Variants in ACSL4 observed in about 807,000 individuals in gnomAD.
ACSL4 encodes acyl-CoA synthetase long chain family member 4, also known as long-chain-fatty-acid--CoA ligase 4.
ACSL4 carries 9 observed loss-of-function variants against 49.1 expected under a neutral mutation model. That is an observed-to-expected ratio of 0.18 (90% CI 0.11 to 0.32). ACSL4 has a LOEUF of 0.32. ACSL4 is among the 10% of genes least tolerant of loss of function. The probability of loss-of-function intolerance (pLI) is 1.00; values close to 1 mark genes in which losing one functional copy is unlikely to be tolerated. For synonymous variants in ACSL4, 191 were observed against 170.3 expected, an observed-to-expected ratio of 1.12 and a Z score of -0.95; for missense variants, 333 against 493.7, an observed-to-expected ratio of 0.67 and a Z score of 3.08.
intron 1 of ACSL4, among the ~76,000 whole-genome samples, chrX:109,716,967 A>G (rs1927164349): frequency 8.9e-6 from 1 of 112,118 alleles, no homozygotes; most frequent in South Asian, 3.6e-4. Context: ...TTTTGCAGCT[A>G]TTTCTATGAT....
intron 1 of ACSL4, among the ~76,000 whole-genome samples, chrX:109,704,940 T>A (rs761007744): frequency 8.6e-4 from 92 of 106,801 alleles, no homozygotes; most frequent in African/African-American, 2.3e-3. Context: ...TCTCTCTCTC[T>A]CACACACACA....
chrX:109,647,902 G>A (rs1294021647), intron 15 of ACSL4, among the ~76,000 whole-genome samples: 6 of 111,357 alleles, frequency 5.4e-5, no homozygotes, highest in Non-Finnish European at 9.4e-5. Context: ...ACACCTCTAC[G>A]CAAATAAACT....
At chrX:109,722,898 A>G (rs1222068972) in intron 1 of ACSL4, among the ~76,000 whole-genome samples, 1 of 111,868 alleles carries the variant, frequency 8.9e-6, no homozygotes, top group African/African-American at 3.2e-5. Flanking sequence ...ATTTTTGTAG[A>G]AAGGTGATAT....
rs182854401 is a variant in ACSL4, at chrX:109,661,348, G to A, written c.1697+183C>T. Among the ~76,000 whole-genome samples the A allele has an allele frequency of 6.3e-5, 7 of 111,836 alleles. No individual in the cohort carries two copies. In the East Asian group the frequency reaches 8.4e-4, roughly 13 times the overall value. ...CAGGTGTCCAATAAATAGTTAACAC[G>A]TCTGAGTTATCTAAAATGATCTTTA... On this transcript the variant is annotated intron_variant, in intron 14 of 15. Coordinates refer to ENST00000672401, the MANE Select transcript of ACSL4 (RefSeq NM_001318510.2).
At position 109,685,088 on chromosome X, in the gene ACSL4, CTTT is replaced by C. The variant is rs1203140186; in HGVS notation, c.-12-1716_-12-1714del. ...AAGAATAGTAATATTTCTTTTCTTT[CTTT>C]TTTTTTTTTTTTTTTTTTTGAGACA... is the stretch of plus-strand genomic sequence containing the variant. On this transcript the variant is annotated intron_variant, in intron 2 of 15. Transcript: ENST00000672401. 6.7e-3 allele frequency among the ~76,000 whole-genome samples: 516 copies of C among 77,401 alleles called. 5 individuals carry two copies. The highest frequency in any genetic ancestry group is 0.023 in the African/African-American group (489 of 21,187). 67.2% of individuals were successfully genotyped at this position (77,401 alleles called of 115,157 possible).
At chrX:109,688,844 T>C (rs924017590) in intron 2 of ACSL4, among the ~76,000 whole-genome samples, 3 of 109,122 alleles carry the variant, frequency 2.7e-5, no homozygotes, top group African/African-American at 1.0e-4. Flanking sequence ...TTTCTGCTTC[T>C]TCCTCACATT....
At position 109,711,928 on chromosome X, in the gene ACSL4, T is replaced by C. The variant is rs563016527; in HGVS notation, c.-65-15732A>G. ...GTTCACAGTAGGTGCTGGATAAATA[T>C]TTTTGGAATTAAGTTGGAATGAAAT... On this transcript the variant is annotated intron_variant, in intron 1 of 15. Coordinates refer to ENST00000672401, the MANE Select transcript of ACSL4 (RefSeq NM_001318510.2). Among the ~76,000 whole-genome samples, 3 of 111,787 alleles carry C rather than the reference T, an allele frequency of 2.7e-5. No homozygotes were observed. In the East Asian group the frequency reaches 8.4e-4, roughly 31 times the overall value.
chrX:109,708,402 T>C (rs1452424563), intron 1 of ACSL4, among the ~76,000 whole-genome samples: 1 of 112,279 alleles, frequency 8.9e-6, no homozygotes, highest in African/African-American at 3.2e-5. Flanking sequence ...TAACAATGAA[T>C]ATGGTCCAAA....
chrX:109,720,886 T>C (rs961392540), intron 1 of ACSL4, among the ~76,000 whole-genome samples: 1 of 112,327 alleles, frequency 8.9e-6, no homozygotes, highest in Admixed American at 9.5e-5. Context: ...CAATTGACTG[T>C]TGACCAAATC....
intron 15 of ACSL4, 44 bp downstream of exon 15, chrX:109,659,310 G>A (rs921638453): frequency 2.6e-6 from 3 of 1,146,849 alleles, no homozygotes; most frequent in Non-Finnish European, 3.6e-6. Context: ...GACATCATTA[G>A]ATGACTTTTA....
chrX:109,651,137 TTTA>T (rs1475558650), intron 15 of ACSL4, among the ~76,000 whole-genome samples: 9 of 112,151 alleles, frequency 8.0e-5, no homozygotes, highest in African/African-American at 2.9e-4. Context: ...CATCAAGTTA[TTTA>T]TTATGACTAC....
At chrX:109,687,538 GACACAGGGAGGGTTACATCAC>G (rs1309239370) in intron 2 of ACSL4, among the ~76,000 whole-genome samples, 1 of 111,358 alleles carries the variant, frequency 9.0e-6, no homozygotes, top group Non-Finnish European at 1.9e-5. Context: ...AGAAAACATG[GACACAGGGAGGGTTACATCAC>G]ACACAGGGGC....
In ACSL4 at chrX:109,642,619, T is replaced by C. The variant is rs1934480192; in HGVS notation, c.*1410A>G. 1 of 111,231 alleles carries C rather than the reference T, an allele frequency of 9.0e-6. No homozygotes were observed. The highest frequency in any genetic ancestry group is 1.9e-5 in the Non-Finnish European group (1 of 52,849). The allele number at this position is 111,231 out of a possible 1,213,427, so 9.2% of individuals were successfully genotyped here. A position where few individuals can be genotyped will look rare whatever the true frequency, so the allele number is the denominator to read the frequency against. ...TATATATATGCATATATATAAAAAA[T>C]GATTAAGAAAAAGTGCAAAGAATAA... On this transcript the variant is annotated 3_prime_UTR_variant, in exon 16 of 16. Transcript: ENST00000672401.
intron 13 of ACSL4, among the ~76,000 whole-genome samples, chrX:109,661,888 C>T: frequency 9.0e-6 from 1 of 110,835 alleles, no homozygotes; most frequent in East Asian, 2.8e-4. Flanking sequence ...TAAGTATTGG[C>T]TAAAAGTTAC....
At chrX:109,646,696 T>G (rs1376247251) in intron 15 of ACSL4, among the ~76,000 whole-genome samples, 13 of 110,773 alleles carry the variant, frequency 1.2e-4, no homozygotes, top group Non-Finnish European at 1.9e-4. Context: ...GTAAATGGAC[T>G]AAATGCTCCA....
intron 1 of ACSL4, among the ~76,000 whole-genome samples, chrX:109,726,142 T>C (rs1486778425): frequency 8.9e-6 from 1 of 112,394 alleles, no homozygotes; most frequent in Non-Finnish European, 1.9e-5. Context: ...CAAGCAGGCT[T>C]AGCACGGTGG....
intron 1 of ACSL4, among the ~76,000 whole-genome samples, chrX:109,699,824 A>G (rs894827192): frequency 7.2e-5 from 8 of 111,564 alleles, no homozygotes; most frequent in African/African-American, 2.6e-4. Context: ...GAACAAGAAA[A>G]TGTCTCATTA....
intron 1 of ACSL4, among the ~76,000 whole-genome samples, chrX:109,729,085 G>A (rs1928231813): frequency 9.1e-6 from 1 of 109,679 alleles, no homozygotes; most frequent in Non-Finnish European, 1.9e-5. Flanking sequence ...CAGGTGTGGT[G>A]GCGGGTGCCT....
chrX:109,660,621 AT>A (rs1922096623), intron 14 of ACSL4, among the ~76,000 whole-genome samples: 3 of 111,933 alleles, frequency 2.7e-5, no homozygotes, highest in Non-Finnish European at 3.8e-5. Flanking sequence ...TCAAAGAGAT[AT>A]TTGCATACGC....
Sources: gnomAD v4.1 joint callset for allele counts (sites outside exome capture counted in the v4.1 genomes callset) on GRCh38, gnomAD v4.1.1 for gene constraint, MANE v1.5 for transcripts, NCBI Gene and HGNC (gene_info 2026-07-23, HGNC 2026-07-21) for gene names.